FRMPD4: variants seen among roughly 807,000 people sequenced by gnomAD.
FRMPD4 encodes FERM and PDZ domain containing 4.
A neutral mutation model predicts 94.1 loss-of-function variants in FRMPD4; 22 were observed. The ratio of observed to expected loss-of-function variants is 0.23; its 90% CI spans 0.17 to 0.33. The LOEUF is 0.33. FRMPD4 is among the 10% of genes least tolerant of loss of function. The pLI is 1.00. For missense variants in FRMPD4, 1,111 were observed against 1,339.9 expected, an observed-to-expected ratio of 0.83 and a Z score of 2.67; for synonymous variants, 631 against 548.6, an observed-to-expected ratio of 1.15 and a Z score of -2.10.
chrX:12,234,341 T>A (rs1172830863), intron 1 of FRMPD4, among the ~76,000 whole-genome samples: 1 of 111,012 alleles, frequency 9.0e-6, no homozygotes, highest in Non-Finnish European at 1.9e-5. Flanking sequence ...AAGAAGGGAG[T>A]GGGAGCACTG....
At chrX:11,955,176 C>T (rs183844507) in intron 3 of FRMPD4, among the ~76,000 whole-genome samples, 108 of 111,060 alleles carry the variant, frequency 9.7e-4, no homozygotes, top group Middle Eastern at 9.2e-3. Context: ...ATCCCATTCA[C>T]GAGGGCTGCA....
intron 1 of FRMPD4, among the ~76,000 whole-genome samples, chrX:12,215,832 C>A (rs2056801254): frequency 8.9e-6 from 1 of 111,869 alleles, no homozygotes; most frequent in African/African-American, 3.2e-5. Context: ...TATGGGCCAC[C>A]AAACTACATC....
intron 10 of FRMPD4, 127 bp downstream of exon 10, chrX:12,702,137 T>C: frequency 6.8e-6 from 4 of 590,019 alleles, no homozygotes; most frequent in Non-Finnish European, 1.1e-5. Context: ...AGTGGCAAAA[T>C]GTATGAATAT....
chrX:12,278,106 A>C (rs1461638104), intron 1 of FRMPD4, among the ~76,000 whole-genome samples: 1 of 112,569 alleles, frequency 8.9e-6, no homozygotes, highest in African/African-American at 3.2e-5. Flanking sequence ...CATAGATTTC[A>C]AGTCCACGGC....
intron 3 of FRMPD4, among the ~76,000 whole-genome samples, chrX:12,014,919 T>C (rs1279950950): frequency 9.0e-6 from 1 of 111,200 alleles, no homozygotes; most frequent in African/African-American, 3.3e-5. Flanking sequence ...TTCCTCCCTT[T>C]CCCAATAAAT....
intron 13 of FRMPD4, among the ~76,000 whole-genome samples, chrX:12,710,141 CAGAT>C (rs35465009): frequency 9.2e-4 from 92 of 100,520 alleles, no homozygotes; most frequent in Admixed American, 2.2e-3. Context: ...TATAGATAGA[CAGAT>C]AGATAGATAG....
At chrX:12,486,523 G>A (rs779994068) in intron 1 of FRMPD4, among the ~76,000 whole-genome samples, 1 of 112,397 alleles carries the variant, frequency 8.9e-6, no homozygotes, top group Non-Finnish European at 1.9e-5. Flanking sequence ...ATTGTCAGCT[G>A]GAGAAGATTT....
At chrX:12,546,661 A>G (rs2058480158) in intron 2 of FRMPD4, among the ~76,000 whole-genome samples, 1 of 111,780 alleles carries the variant, frequency 8.9e-6, no homozygotes, top group African/African-American at 3.3e-5. Flanking sequence ...TGGTTAATAT[A>G]TAATATAGCT....
rs796768348 is a variant in FRMPD4, at chrX:12,440,684, G to C, written c.42-57996G>C. ...AAGTCATTGAAAAGGAAAACACATA[G>C]GGTGTGTGGGGACTTGGGAGGGGGG... On this transcript the variant is annotated intron_variant, in intron 1 of 16. Transcript: ENST00000675598. 5.4e-5 allele frequency among the ~76,000 whole-genome samples: 6 copies of C among 111,129 alleles called. No homozygotes were observed. The South Asian group carries it at 1.9e-3, about 36-fold the overall frequency.
intron 1 of FRMPD4, among the ~76,000 whole-genome samples, chrX:12,491,631 C>G (rs900861807): frequency 6.2e-5 from 7 of 112,478 alleles, no homozygotes; most frequent in Non-Finnish European, 1.3e-4. Flanking sequence ...GGCATTTCAA[C>G]ACACATGTAT....
At chrX:12,283,258 T>A (rs1463314731) in intron 1 of FRMPD4, among the ~76,000 whole-genome samples, 1 of 113,228 alleles carries the variant, frequency 8.8e-6, no homozygotes, top group African/African-American at 3.2e-5. Flanking sequence ...GAGAACAAAG[T>A]AGGCATACAT....
At chrX:12,681,300 T>TA (rs1230503926) in intron 5 of FRMPD4, among the ~76,000 whole-genome samples, 2 of 112,272 alleles carry the variant, frequency 1.8e-5, no homozygotes, top group African/African-American at 3.2e-5. Context: ...TCCCTTCAGC[T>TA]AAAAAATGAA....
intron 3 of FRMPD4, among the ~76,000 whole-genome samples, chrX:12,039,438 A>G (rs995634739): frequency 6.4e-5 from 7 of 109,882 alleles, no homozygotes; most frequent in African/African-American, 2.3e-4. Context: ...ATTTTAATAT[A>G]CCTGATTTTG....
At chrX:12,151,592 A>T (rs917051966) in intron 1 of FRMPD4, among the ~76,000 whole-genome samples, 4 of 112,241 alleles carry the variant, frequency 3.6e-5, no homozygotes, top group African/African-American at 6.5e-5. Context: ...GAATGTATTT[A>T]AAAAGATATA....
intron 3 of FRMPD4, among the ~76,000 whole-genome samples, chrX:12,040,952 A>T (rs969379496): frequency 1.8e-5 from 2 of 110,842 alleles, no homozygotes; most frequent in South Asian, 3.8e-4. Context: ...TTCTATTATT[A>T]AAAAAAATTT....
intron 1 of FRMPD4, among the ~76,000 whole-genome samples, chrX:12,388,818 G>GATATATATATATATATAT (rs3068660): frequency 4.0e-4 from 24 of 60,715 alleles, no homozygotes; most frequent in African/African-American, 1.7e-3. Flanking sequence ...AAGAAAATGT[G>GATATATATATATATATAT]ATATATATAT....
rs781119316 is a variant in FRMPD4, at chrX:12,718,006, G to C, written c.3180G>C (p.Glu1060Asp). Reference sequence around the variant, plus strand: ...CCAAAACGGCAGAGATGGAGGAGGAGGCCAGTGGTAAATTTGGTACTGTGT... The same window carrying C: ...CCAAAACGGCAGAGATGGAGGAGGACGCCAGTGGTAAATTTGGTACTGTGT... ...QGTKTAEMEE[E>D]ASGKFGTVSS... The change falls in exon 16 of 17, where the codon GAG becomes GAC. Residue 1060 changes from glutamate (E) to aspartate (D), a missense_variant. Physicochemically the swap from Glu to Asp is conservative, Grantham distance 45 (BLOSUM62 2). Around this residue, in one of 8 missense-constraint regions of FRMPD4, gnomAD observed 551 missense variants for 591.6 expected, o/e 0.93. Coordinates refer to ENST00000675598, the MANE Select transcript of FRMPD4 (RefSeq NM_001368397.1). 1 of 1,210,471 alleles carries C rather than the reference G, an allele frequency of 8.3e-7. No homozygotes were observed. The highest frequency in any genetic ancestry group is 1.1e-6 in the Non-Finnish European group (1 of 895,184).
At chrX:12,679,308 GTTT>G (rs201195935) in intron 5 of FRMPD4, among the ~76,000 whole-genome samples, 3 of 111,519 alleles carry the variant, frequency 2.7e-5, no homozygotes, top group Non-Finnish European at 5.7e-5. Context: ...GGAAAAAGAA[GTTT>G]TTTTTATACT....
rs141734732 is a variant in FRMPD4 at position 12,249,096 on chromosome X, G to A, written c.41+110084G>A. ...ATTATAGTAGTCAGGACTTTTAAGC[G>A]TACAAGATTATGGACATTTTCTAGT... On this transcript the variant is annotated intron_variant, in intron 1 of 16. Transcript: ENST00000675598. 7.4e-3 allele frequency among the ~76,000 whole-genome samples: 838 copies of A among 112,767 alleles called. 1 individual carries two copies. The highest frequency in any genetic ancestry group is 0.013 in the Non-Finnish European group (680 of 53,313).
Sources: gnomAD v4.1 joint callset for allele counts (sites outside exome capture counted in the v4.1 genomes callset) on GRCh38, gnomAD v4.1.1 for gene constraint, gnomAD v4.1.1 regional missense constraint, MANE v1.5 for transcripts, NCBI Gene and HGNC (gene_info 2026-07-23, HGNC 2026-07-21) for gene names.